SNX8: variants seen among roughly 807,000 people sequenced by gnomAD.
SNX8 encodes sorting nexin 8, also known as sorting nexin-8.
A neutral mutation model predicts 51.6 loss-of-function variants in SNX8; 25 were observed. The observed-to-expected ratio is 0.48, with a 90% CI of 0.35 to 0.68. The LOEUF is 0.68. Ranked by LOEUF, SNX8 falls within the 30% of genes least tolerant of loss-of-function variation. The pLI, the probability that SNX8 is intolerant of heterozygous loss-of-function variation, is 0.00. For synonymous variants in SNX8, 324 were observed against 277.0 expected, an observed-to-expected ratio of 1.17 and a Z score of -1.68; for missense variants, 695 against 624.0, an observed-to-expected ratio of 1.11 and a Z score of -1.21.
Position 2,267,142 on chromosome 7 carries a change from T to C in SNX8, c.621+2417A>G, listed in dbSNP as rs147045354. The stretch of plus-strand genomic sequence containing the variant: ...CCGTAAAACAGGCCTCCCAGCCCTG[T>C]GTCGGAGCAACTGAAACGAGGGTTA... On this transcript the variant is annotated intron_variant, in intron 5 of 10. Transcript: ENST00000222990. Among the ~76,000 whole-genome samples, 412 of 152,310 alleles carry C rather than the reference T, an allele frequency of 2.7e-3. 5 individuals are homozygous for C. The highest frequency in any genetic ancestry group is 9.5e-3 in the African/African-American group (395 of 41,578).
intron 9 of SNX8, 151 bp downstream of exon 9, chr7:2,257,214 C>T: frequency 8.9e-7 from 1 of 1,129,656 alleles, no homozygotes; most frequent in Non-Finnish European, 1.2e-6. Flanking sequence ...GCTCTGGGCA[C>T]GCGGGCCAGC....
chr7:2,317,849 C>T (rs145680009), upstream of SNX8, among the ~76,000 whole-genome samples: 107 of 152,192 alleles, frequency 7.0e-4, 2 homozygotes, highest in South Asian at 8.1e-3. Context: ...GAGCCGAGAT[C>T]GAGATGTCCT....
chr7:2,282,566 C>T (rs538447530), intron 1 of SNX8, among the ~76,000 whole-genome samples: 27 of 152,348 alleles, frequency 1.8e-4, no homozygotes, highest in African/African-American at 6.3e-4. Context: ...ACCCATCTCC[C>T]GCCCAGTGTC....
chr7:2,268,621 C>T (rs2115114655), intron 5 of SNX8, among the ~76,000 whole-genome samples: 1 of 128,160 alleles, frequency 7.8e-6, no homozygotes, highest in South Asian at 2.7e-4. Flanking sequence ...CTCCGCCCAG[C>T]CAGCCGCCCC....
intron 1 of SNX8, among the ~76,000 whole-genome samples, chr7:2,307,430 G>A (rs1050926657): frequency 7.2e-5 from 11 of 152,032 alleles, no homozygotes; most frequent in African/African-American, 1.4e-4. Flanking sequence ...TTCCAAGTTC[G>A]AGACCAGCCT....
At chr7:2,314,442 G>C (rs1374712795), upstream of SNX8, 2 of 1,208,682 alleles carry the variant, frequency 1.7e-6, no homozygotes, top group Admixed American at 4.4e-5. Flanking sequence ...GCTCCCACGT[G>C]ACTTCCTCCC....
chr7:2,317,833 T>C (rs1796780806), upstream of SNX8, among the ~76,000 whole-genome samples: 1 of 152,084 alleles, frequency 6.6e-6, no homozygotes, highest in Admixed American at 6.6e-5. Flanking sequence ...AGGCCAAGGT[T>C]GCAGTGAGCC....
intron 1 of SNX8, among the ~76,000 whole-genome samples, chr7:2,304,202 G>A (rs1358495329): frequency 6.7e-6 from 1 of 149,834 alleles, no homozygotes; most frequent in Non-Finnish European, 1.5e-5. Flanking sequence ...GGATCAGTGG[G>A]ACTCATTCTC....
chr7:2,302,217 C>G (rs1796411807), intron 1 of SNX8, among the ~76,000 whole-genome samples: 1 of 152,254 alleles, frequency 6.6e-6, no homozygotes. Context: ...ATTCTCCTGC[C>G]TCAGCCTGCC....
At chr7:2,285,312 C>G (rs1424413770) in intron 1 of SNX8, among the ~76,000 whole-genome samples, 2 of 152,102 alleles carry the variant, frequency 1.3e-5, no homozygotes, top group Admixed American at 1.3e-4. Flanking sequence ...TTGCTTGAAC[C>G]CGGGAGGCAG....
chr7:2,321,932 C>T lies in SNX8; in HGVS notation c.-66+32290G>A, dbSNP rs1417203164. Among the ~76,000 whole-genome samples the T allele has an allele frequency of 2.7e-5, 4 of 150,672 alleles. No homozygotes were observed. In the East Asian group the frequency reaches 7.9e-4, roughly 30 times the overall value. The stretch of plus-strand genomic sequence containing the variant: ...AGAGACAAGCTTTCACCATATTGGC[C>T]AAACTGGTCTCGAACTCCTGGCCTC... On this transcript the variant is annotated intron_variant, in intron 1 of 5. Coordinates refer to the SNX8 transcript ENST00000435336.
At chr7:2,268,904 G>T in intron 5 of SNX8, among the ~76,000 whole-genome samples, 1 of 1,362 alleles carries the variant, frequency 7.3e-4, no homozygotes, top group Non-Finnish European at 1.7e-3. Context: ...GAGGGAGGTG[G>T]GGGGGGGTCA....
In SNX8 at chr7:2,331,783, G is replaced by C. The variant is rs189333541; in HGVS notation, c.-66+22439C>G. 1.5e-3 allele frequency among the ~76,000 whole-genome samples: 228 copies of C among 152,134 alleles called. 1 individual carries two copies. Among genetic ancestry groups the C allele is most frequent in the Admixed American group, 2.4e-3 (37 of 15,234 alleles). On this transcript the variant is annotated intron_variant, in intron 1 of 5. Transcript: ENST00000435336. Reference sequence around the variant, plus strand: ...GAAATACAGATACTCCGCAGGCTGAGGCACAAGAATTGCTTGAACCCAGGA... The same window carrying C: ...GAAATACAGATACTCCGCAGGCTGACGCACAAGAATTGCTTGAACCCAGGA...
chr7:2,344,341 G>A (rs1157662307), intron 1 of SNX8, among the ~76,000 whole-genome samples: 1 of 152,106 alleles, frequency 6.6e-6, no homozygotes, highest in Admixed American at 6.6e-5. Flanking sequence ...ATTATAGACA[G>A]TGGCTCACAC....
At chr7:2,336,038 G>C (rs924663853) in intron 1 of SNX8, among the ~76,000 whole-genome samples, 6 of 151,630 alleles carry the variant, frequency 4.0e-5, no homozygotes, top group Non-Finnish European at 7.4e-5. Flanking sequence ...TGGACGCAGA[G>C]GTTGCAGTGA....
At chr7:2,277,982 C>A in intron 2 of SNX8, 118 bp downstream of exon 2, 2 of 1,455,380 alleles carry the variant, frequency 1.4e-6, no homozygotes, top group Non-Finnish European at 9.1e-7. Flanking sequence ...TGCCTGTAAG[C>A]CAGCCACACA....
At chr7:2,264,548 C>A in intron 5 of SNX8, 90 bp from the exon 6 acceptor site, 2 of 1,365,938 alleles carry the variant, frequency 1.5e-6, no homozygotes, top group South Asian at 2.7e-5. Context: ...AGCTGAGCCA[C>A]GGGAGACACA....
chr7:2,262,312 T>C (rs896390787), intron 7 of SNX8, among the ~76,000 whole-genome samples: 2 of 152,204 alleles, frequency 1.3e-5, no homozygotes, highest in Non-Finnish European at 2.9e-5. Flanking sequence ...AGCGCTGGGA[T>C]GATAGGTGTG....
rs545633510 is a variant in SNX8, at chr7:2,268,514, C to A, written c.621+1045G>T. ...GGGAGGGAGGTGGGGGGTCAGCCCC[C>A]CCGCCCGGCCAGCCGTGCCATCCGG... On this transcript the variant is annotated intron_variant, in intron 5 of 10. Coordinates refer to ENST00000222990, the MANE Select transcript of SNX8 (RefSeq NM_013321.4). Among the ~76,000 whole-genome samples, 576 of 144,872 alleles carry A rather than the reference C, an allele frequency of 4.0e-3. 2 individuals carry two copies. The highest frequency in any genetic ancestry group is 0.014 in the African/African-American group (563 of 38,974).
Sources: allele counts gnomAD v4.1 joint callset (sites outside exome capture counted in the v4.1 genomes callset), GRCh38; gene constraint gnomAD v4.1.1; transcripts MANE v1.5; gene names NCBI Gene and HGNC (gene_info 2026-07-23, HGNC 2026-07-21).